Variants in R3HDM2 observed in about 807,000 individuals in gnomAD.
R3HDM2 encodes the protein R3H domain containing 2.
In R3HDM2, 38 loss-of-function variants were observed where a neutral mutation model predicts 124.5. The ratio of observed to expected loss-of-function variants is 0.31; its 90% confidence interval spans 0.24 to 0.40. R3HDM2 has a LOEUF of 0.40. Ranked by LOEUF, R3HDM2 falls within the 10% of genes least tolerant of loss-of-function variation. The pLI is 1.00. For synonymous variants in R3HDM2, 391 were observed against 448.0 expected, an observed-to-expected ratio of 0.87 and a Z score of 1.61; for missense variants, 869 against 1,236.9, an observed-to-expected ratio of 0.70 and a Z score of 4.46.
chr12:57,296,521 G>A lies in R3HDM2; in HGVS notation c.591C>T (p.Thr197=). ...NNQFKKFPQM[T]SYHRMLLHRV... Reference sequence around the variant, plus strand: ...GGTGTAATAGCATCCGGTGATATGAGGTCATCTGAGGGAACTTCTTGAACT... The same window carrying A: ...GGTGTAATAGCATCCGGTGATATGAAGTCATCTGAGGGAACTTCTTGAACT... Residue 197 remains threonine, a synonymous_variant, in exon 9 of 24, where the codon ACC becomes ACT. Coordinates refer to ENST00000402412, the MANE Select transcript of R3HDM2 (RefSeq NM_001394031.1). This position sits in a 1 kb window ranked among gnomAD's most constrained non-coding sequence, Gnocchi z 4.5. 6.4e-7 allele frequency: 1 copy of A among 1,551,892 alleles called. No homozygotes were observed. Among genetic ancestry groups the A allele is most frequent in the Non-Finnish European group, 8.7e-7 (1 of 1,147,006 alleles).
chr12:57,278,097 C>A (rs1002210616), intron 14 of R3HDM2, among the ~76,000 whole-genome samples: 10 of 152,116 alleles, frequency 6.6e-5, no homozygotes, highest in Admixed American at 5.9e-4. Flanking sequence ...TGGATAAATT[C>A]TTTCATTTGG....
intron 2 of R3HDM2, among the ~76,000 whole-genome samples, chr12:57,394,154 A>G (rs906425832): frequency 1.3e-5 from 2 of 151,716 alleles, no homozygotes; most frequent in Non-Finnish European, 2.9e-5. Context: ...AAAATTAGCC[A>G]GGTGTGGTGG....
intron 5 of R3HDM2, among the ~76,000 whole-genome samples, chr12:57,299,750 G>T (rs1167389104): frequency 6.6e-6 from 1 of 152,178 alleles, no homozygotes; most frequent in Admixed American, 6.5e-5. Context: ...ACCACCAGAG[G>T]GGGAGGGTAC....
intron 20 of R3HDM2, among the ~76,000 whole-genome samples, chr12:57,258,537 G>A (rs892875077): frequency 6.6e-6 from 1 of 151,746 alleles, no homozygotes; most frequent in African/African-American, 2.4e-5. Flanking sequence ...TAGAGACGGG[G>A]TATCACCACG....
At chr12:57,334,224 T>A (rs567116578) in intron 2 of R3HDM2, among the ~76,000 whole-genome samples, 1 of 152,302 alleles carries the variant, frequency 6.6e-6, no homozygotes, top group African/African-American at 2.4e-5. Context: ...ATTAAGAATA[T>A]GCAATTATCA....
intron 2 of R3HDM2, among the ~76,000 whole-genome samples, chr12:57,342,011 C>T (rs1432392096): frequency 1.3e-5 from 2 of 152,100 alleles, no homozygotes; most frequent in East Asian, 1.9e-4. Flanking sequence ...CCTAAAACAC[C>T]TTCACAAAAC....
rs2139001816 is a variant in R3HDM2 at position 57,401,114 on chromosome 12, C to G, written c.-105-5296G>C. Among the ~76,000 whole-genome samples the G allele has an allele frequency of 1.3e-5, 2 of 151,912 alleles. 1 individual carries two copies. The highest frequency in any genetic ancestry group is 1.3e-4 in the Admixed American group (2 of 15,236). ...GGAGAAAAAGAGGAATAATAAAGAA[C>G]TATGCCCATGTTTAACATGGCCACA... is the stretch of plus-strand genomic sequence containing the variant. On this transcript the variant is annotated intron_variant, in intron 1 of 23. Coordinates refer to ENST00000402412, the MANE Select transcript of R3HDM2 (RefSeq NM_001394031.1).
At chr12:57,273,857 GA>G (rs1342650377) in intron 14 of R3HDM2, among the ~76,000 whole-genome samples, 8 of 152,282 alleles carry the variant, frequency 5.3e-5, no homozygotes, top group Admixed American at 5.2e-4. Flanking sequence ...AACAGTTCAG[GA>G]GGCAGAGTAC....
rs181083339 is a variant in R3HDM2 at position 57,270,723 on chromosome 12, C to T, written c.1345-729G>A. On this transcript the variant is annotated intron_variant, in intron 14 of 23. Transcript: ENST00000402412. ...TGTTTGGATTACAGGCGTGAGCCAC[C>T]GCACCAGCCTTATTCTTGTATTTTT... 8.6e-5 allele frequency among the ~76,000 whole-genome samples: 13 copies of T among 151,966 alleles called. No individual in the cohort carries two copies. The East Asian group carries it at 1.9e-3, about 23-fold the overall frequency.
intron 1 of R3HDM2, among the ~76,000 whole-genome samples, chr12:57,424,838 G>C (rs2070571134): frequency 6.6e-6 from 1 of 152,050 alleles, no homozygotes; most frequent in African/African-American, 2.4e-5. Context: ...CCAAAGTGCT[G>C]CACTACAGGT....
chr12:57,391,233 C>T (rs1290329843), intron 2 of R3HDM2, among the ~76,000 whole-genome samples: 1 of 152,084 alleles, frequency 6.6e-6, no homozygotes, highest in African/African-American at 2.4e-5. Flanking sequence ...TACAGCTACA[C>T]CATGGAACGC....
At chr12:57,366,699 G>GT (rs372501357) in intron 2 of R3HDM2, among the ~76,000 whole-genome samples, 72 of 151,172 alleles carry the variant, frequency 4.8e-4, no homozygotes, top group African/African-American at 1.4e-3. Context: ...TTGTTGTTTT[G>GT]TTTTTTTTGA....
chr12:57,260,999 A>G (rs1044606661), intron 19 of R3HDM2, among the ~76,000 whole-genome samples: 2 of 152,206 alleles, frequency 1.3e-5, no homozygotes, highest in African/African-American at 4.8e-5. Context: ...ACAAATACTC[A>G]GTGCAACAGG....
chr12:57,269,539 C>T lies in R3HDM2; in HGVS notation c.1588-90G>A. On this transcript the variant is annotated intron_variant, in intron 15 of 23. Transcript: ENST00000402412. ...CTATAAATGCCTCAAGATTGATGGC[C>T]AGAAATATGTAAACGGAGATATTTT... 4 of 1,529,278 alleles carry T rather than the reference C, an allele frequency of 2.6e-6. No homozygotes were observed. The South Asian group carries it at 5.0e-5, about 19-fold the overall frequency. 94.7% of individuals were successfully genotyped at this position (1,529,278 alleles called of 1,614,324 possible).
intron 1 of R3HDM2, among the ~76,000 whole-genome samples, chr12:57,405,997 A>C (rs1414940946): frequency 2.0e-5 from 3 of 152,158 alleles, no homozygotes; most frequent in Non-Finnish European, 4.4e-5. Context: ...CCCATTTGCC[A>C]AAGATGAGAC....
At chr12:57,406,470 T>C (rs938285527) in intron 1 of R3HDM2, among the ~76,000 whole-genome samples, 2 of 152,156 alleles carry the variant, frequency 1.3e-5, no homozygotes, top group Non-Finnish European at 2.9e-5. Flanking sequence ...TGGTCATAAC[T>C]GTTAATTAAA....
Position 57,254,566 on chromosome 12 carries a change from G to T in R3HDM2, c.*207C>A. 1 of 532,864 alleles carries T rather than the reference G, an allele frequency of 1.9e-6. No homozygotes were observed. The highest frequency in any genetic ancestry group is 3.2e-6 in the Non-Finnish European group (1 of 308,126). The allele number at this position is 532,864 out of a possible 1,614,324, so 33.0% of individuals were successfully genotyped here. A position where few individuals can be genotyped will look rare whatever the true frequency, so the allele number is the denominator to read the frequency against. ...AGAGTGATGCAAGGGGGGTCAACCA[G>T]GGAAAAAGAGAGGACCCATGGCAGG... On this transcript the variant is annotated 3_prime_UTR_variant, in exon 24 of 24. Coordinates refer to ENST00000402412, the MANE Select transcript of R3HDM2 (RefSeq NM_001394031.1).
At chr12:57,372,535 C>T (rs2063506046) in intron 2 of R3HDM2, among the ~76,000 whole-genome samples, 1 of 152,100 alleles carries the variant, frequency 6.6e-6, no homozygotes, top group Non-Finnish European at 1.5e-5. Flanking sequence ...TAATGTACTT[C>T]CTCAAAAATC....
At chr12:57,302,704 A>T (rs375228778) in intron 4 of R3HDM2, among the ~76,000 whole-genome samples, 8 of 151,550 alleles carry the variant, frequency 5.3e-5, no homozygotes, top group Non-Finnish European at 1.2e-4. Context: ...ATTAGGGGGA[A>T]AAAAAAGCCT....
Sources: allele counts gnomAD v4.1 joint callset (sites outside exome capture counted in the v4.1 genomes callset), GRCh38; gene constraint gnomAD v4.1.1; non-coding constraint Gnocchi (gnomAD v3.1); transcripts MANE v1.5; gene names NCBI Gene and HGNC (gene_info 2026-07-23, HGNC 2026-07-21).